Variants in RIGI observed in about 807,000 individuals in gnomAD.
RIGI encodes antiviral innate immune response receptor RIG-I.
the RIGI span, among the ~76,000 whole-genome samples, chr9:32,486,471 AAAG>A: frequency 3.3e-5 from 5 of 151,704 alleles, no homozygotes; most frequent in Admixed American, 2.6e-4. Flanking sequence ...AAAAAAAAAA[AAAG>A]AAGTAGTACA....
the RIGI span, among the ~76,000 whole-genome samples, chr9:32,476,714 T>C: frequency 1.4e-4 from 21 of 151,766 alleles, no homozygotes; most frequent in East Asian, 1.4e-3. Flanking sequence ...TACGCTGTCA[T>C]GATCACTGCA....
the RIGI span, among the ~76,000 whole-genome samples, chr9:32,479,899 TA>T: frequency 6.9e-6 from 1 of 145,800 alleles, no homozygotes; most frequent in South Asian, 2.1e-4. Context: ...CACTTTTTCA[TA>T]TTTTTAAAGC....
At chr9:32,470,505 ATTC>A in the RIGI span, among the ~76,000 whole-genome samples, 14 of 152,336 alleles carry the variant, frequency 9.2e-5, no homozygotes, top group Middle Eastern at 3.4e-3. Context: ...GTCATAAAAT[ATTC>A]TTTTGATTTT....
the RIGI span, among the ~76,000 whole-genome samples, chr9:32,513,101 C>G: frequency 3.3e-5 from 5 of 151,828 alleles, no homozygotes; most frequent in East Asian, 7.7e-4. Context: ...ACATTCCATG[C>G]TCACGGGTAG....
chr9:32,499,445 GTTTA>G, the RIGI span, among the ~76,000 whole-genome samples: 34 of 150,510 alleles, frequency 2.3e-4, no homozygotes, highest in African/African-American at 5.6e-4. Flanking sequence ...TAAATACAGG[GTTTA>G]TTTATTTATT....
the RIGI span, among the ~76,000 whole-genome samples, chr9:32,516,848 T>G: frequency 2.6e-5 from 4 of 152,200 alleles, no homozygotes. Context: ...AATTTCTGTT[T>G]GCAGGTTAAT....
chr9:32,467,299 G>A, the RIGI span, among the ~76,000 whole-genome samples: 1 of 152,148 alleles, frequency 6.6e-6, no homozygotes, highest in South Asian at 2.1e-4. Context: ...TGACACGATC[G>A]AGCTGTTTTT....
the RIGI span, among the ~76,000 whole-genome samples, chr9:32,477,655 T>C: frequency 2.0e-5 from 3 of 152,308 alleles, no homozygotes; most frequent in African/African-American, 7.2e-5. Flanking sequence ...CCGGGTGTGG[T>C]GGCTCACACC....
the RIGI span, among the ~76,000 whole-genome samples, chr9:32,468,908 T>G: frequency 6.6e-6 from 1 of 152,238 alleles, no homozygotes; most frequent in African/African-American, 2.4e-5. Flanking sequence ...TCTTGTTTCT[T>G]TCTCCTGCTA....
At chr9:32,478,061 T>G in the RIGI span, among the ~76,000 whole-genome samples, 3 of 152,154 alleles carry the variant, frequency 2.0e-5, no homozygotes, top group African/African-American at 7.2e-5. Flanking sequence ...TTGTTTTTTT[T>G]CCTGAGATGG....
chr9:32,481,289 C>T, the RIGI span: 1 of 1,570,450 alleles, frequency 6.4e-7, no homozygotes, highest in Non-Finnish European at 8.6e-7. Context: ...CACGGTGCCA[C>T]TCCCAGTAGG....
chr9:32,461,780 A>AC, the RIGI span, among the ~76,000 whole-genome samples: 1 of 152,164 alleles, frequency 6.6e-6, no homozygotes, highest in East Asian at 1.9e-4. Context: ...ATACGAAACT[A>AC]CTAGCTACCC....
the RIGI span, chr9:32,489,268 T>G: frequency 9.9e-7 from 1 of 1,007,314 alleles, no homozygotes; most frequent in East Asian, 2.6e-5. Context: ...AACTTGCCCA[T>G]TCTGTCCCAG....
the RIGI span, among the ~76,000 whole-genome samples, chr9:32,499,752 G>T: frequency 6.6e-6 from 1 of 151,422 alleles, no homozygotes; most frequent in African/African-American, 2.4e-5. Flanking sequence ...CACCACACCC[G>T]GCCCAGGGTT....
At chr9:32,493,676 C>A in the RIGI span, 1 of 866,624 alleles carries the variant, frequency 1.2e-6, no homozygotes, top group Non-Finnish European at 1.7e-6. Context: ...AATGATCTTT[C>A]TCAGGTCTAA....
the RIGI span, among the ~76,000 whole-genome samples, chr9:32,474,405 T>C: frequency 6.6e-6 from 1 of 152,170 alleles, no homozygotes; most frequent in Non-Finnish European, 1.5e-5. Flanking sequence ...CAGATCCTCA[T>C]GTAATCCCCT....
the RIGI span, chr9:32,481,329 G>C: frequency 1.2e-6 from 2 of 1,608,332 alleles, no homozygotes; most frequent in Non-Finnish European, 1.7e-6. Context: ...CTCTTAAAAA[G>C]AGGAACGTAC....
chr9:32,470,198 T>C, the RIGI span, among the ~76,000 whole-genome samples: 1 of 152,220 alleles, frequency 6.6e-6, no homozygotes, highest in Non-Finnish European at 1.5e-5. Context: ...ATGATGAGCA[T>C]TGTGGACCAT....
chr9:32,498,576 G>C, the RIGI span, among the ~76,000 whole-genome samples: 7 of 152,124 alleles, frequency 4.6e-5, no homozygotes, highest in Admixed American at 2.0e-4. Flanking sequence ...TCTGAAAACA[G>C]AAATGTAAAA....
Sources: allele counts gnomAD v4.1 joint callset (sites outside exome capture counted in the v4.1 genomes callset), GRCh38; gene constraint gnomAD v4.1.1; transcripts MANE v1.5; gene names NCBI Gene and HGNC (gene_info 2026-07-23, HGNC 2026-07-21).